Variants in CSMD2 observed in about 807,000 individuals in gnomAD.
CSMD2 encodes the protein CUB and sushi domain-containing protein 2.
CSMD2 carries 130 observed loss-of-function variants against 398.5 expected under a neutral mutation model. The ratio of observed to expected loss-of-function variants is 0.33; its 90% confidence interval spans 0.28 to 0.38. CSMD2 has a LOEUF of 0.38. CSMD2 is among the 10% of genes least tolerant of loss of function. The pLI is 1.00. For synonymous variants in CSMD2, 1,828 were observed against 1,908.5 expected (o/e 0.96, Z 1.10); for missense variants, 3,829 against 4,764.9 (o/e 0.80, Z 5.78).
intron 23 of CSMD2, among the ~76,000 whole-genome samples, chr1:33,699,348 T>G (rs1645530153): frequency 6.6e-6 from 1 of 152,228 alleles, no homozygotes; most frequent in African/African-American, 2.4e-5. Context: ...AAACATACGC[T>G]GTTGAAATGG....
At chr1:33,540,895 C>A (rs1476521675) in intron 59 of CSMD2, among the ~76,000 whole-genome samples, 197 bp from the exon 60 acceptor site, 8 of 152,178 alleles carry the variant, frequency 5.3e-5, no homozygotes, top group Admixed American at 3.3e-4. Flanking sequence ...TGTGACAACC[C>A]AGTCCTCTGT....
chr1:33,575,194 G>C (rs1373740068), intron 49 of CSMD2, among the ~76,000 whole-genome samples: 1 of 152,164 alleles, frequency 6.6e-6, no homozygotes, highest in Non-Finnish European at 1.5e-5. Context: ...ATCTCTGAGG[G>C]AGAGAGACAC....
At chr1:33,549,887 G>C (rs1250739335) in intron 56 of CSMD2, among the ~76,000 whole-genome samples, 2 of 152,174 alleles carry the variant, frequency 1.3e-5, no homozygotes, top group African/African-American at 4.8e-5. Flanking sequence ...CAAGTGTCTG[G>C]ACAGGACTCT....
chr1:34,131,155 C>A (rs1423690908), intron 1 of CSMD2, among the ~76,000 whole-genome samples: 1 of 152,158 alleles, frequency 6.6e-6, no homozygotes, highest in East Asian at 1.9e-4. Context: ...TAGGTCCCTG[C>A]AAGTGCATGC....
chr1:33,890,117 A>C (rs917369373), intron 5 of CSMD2, among the ~76,000 whole-genome samples: 1 of 152,064 alleles, frequency 6.6e-6, no homozygotes, highest in East Asian at 1.9e-4. Flanking sequence ...TCAATTTTCT[A>C]AATTTTCTTT....
chr1:33,998,418 T>A (rs959400316), intron 3 of CSMD2, among the ~76,000 whole-genome samples: 12 of 152,200 alleles, frequency 7.9e-5, no homozygotes, highest in Admixed American at 7.9e-4. Flanking sequence ...CAGACTAAGA[T>A]CTCCAGCTCA....
chr1:33,551,775 GACT>G (rs1483646531), intron 55 of CSMD2, among the ~76,000 whole-genome samples: 1 of 152,198 alleles, frequency 6.6e-6, no homozygotes, highest in African/African-American at 2.4e-5. Context: ...CTGGCCTTGT[GACT>G]TGCTTTGAAT....
Position 33,557,659 on chromosome 1 carries a change from CAT to C in CSMD2, c.8743+73_8743+74del, listed in dbSNP as rs1553139008. 3.2e-5 allele frequency: 39 copies of C among 1,220,398 alleles called. 1 individual carries two copies. Among genetic ancestry groups the C allele is most frequent in the African/African-American group, 1.1e-4 (7 of 62,620 alleles). 75.6% of individuals were successfully genotyped at this position (1,220,398 alleles called of 1,614,324 possible). A position where few individuals can be genotyped will look rare whatever the true frequency, so the allele number is the denominator to read the frequency against. On this transcript the variant is annotated intron_variant, in intron 55 of 70. Coordinates refer to ENST00000373381, the MANE Select transcript of CSMD2 (RefSeq NM_001281956.2). ...ACACACACACACACACACACACACA[CAT>C]GCACAGAGGGGAGGACTGTTCTTTG...
At chr1:33,650,046 C>T (rs1557675767) in intron 28 of CSMD2, among the ~76,000 whole-genome samples, 1 of 152,190 alleles carries the variant, frequency 6.6e-6, no homozygotes, top group Non-Finnish European at 1.5e-5. Context: ...GACATCTGCT[C>T]TTTTGAAAGT....
At chr1:33,924,967 A>G (rs1175359047) in intron 4 of CSMD2, among the ~76,000 whole-genome samples, 1 of 152,184 alleles carries the variant, frequency 6.6e-6, no homozygotes, top group South Asian at 2.1e-4. Flanking sequence ...TCAGATGAAT[A>G]GCTTGCAAAT....
At position 34,163,640 on chromosome 1, in the gene CSMD2, T is replaced by TCAAAA. The variant is rs1392691498; in HGVS notation, c.187+1266_187+1270dup. ...GCCTTCAGAGGTTCAATCGGTGGTT[T>TCAAAA]CAAAACAAAACAAAACAAAACAAAA... is the stretch of plus-strand genomic sequence containing the variant. On this transcript the variant is annotated intron_variant, in intron 1 of 70. Transcript: ENST00000373381. The surrounding 1 kb of genome is among the most constrained non-coding windows in gnomAD (Gnocchi z 5.4). 3.3e-4 allele frequency among the ~76,000 whole-genome samples: 50 copies of TCAAAA among 151,524 alleles called. No individual in the cohort carries two copies. The highest frequency in any genetic ancestry group is 5.1e-4 in the African/African-American group (21 of 41,334).
chr1:33,548,667 A>C (rs959031236), intron 56 of CSMD2, among the ~76,000 whole-genome samples: 1 of 152,212 alleles, frequency 6.6e-6, no homozygotes, highest in African/African-American at 2.4e-5. Context: ...TATATACCTA[A>C]TGTTACTTCC....
Position 33,997,773 on chromosome 1 carries a change from T to C in CSMD2, c.517+34821A>G, listed in dbSNP as rs1558223921. Among the ~76,000 whole-genome samples, 3 of 152,140 alleles carry C rather than the reference T, an allele frequency of 2.0e-5. 1 individual carries two copies. The South Asian group carries it at 6.2e-4, about 32-fold the overall frequency. On this transcript the variant is annotated intron_variant, in intron 3 of 70. Transcript: ENST00000373381. ...AAGGAGGCCATCTTCCCACCACAGT[T>C]AGCTAGGATGAAATGCGAGGATCTG...
At chr1:33,664,664 G>A (rs1195377101) in intron 25 of CSMD2, among the ~76,000 whole-genome samples, 2 of 152,010 alleles carry the variant, frequency 1.3e-5, no homozygotes, top group African/African-American at 2.4e-5. Context: ...TTAGCCGGGC[G>A]AGGTGGCGGG....
At chr1:33,805,199 A>T (rs1656082224) in intron 10 of CSMD2, among the ~76,000 whole-genome samples, 1 of 152,228 alleles carries the variant, frequency 6.6e-6, no homozygotes, top group Non-Finnish European at 1.5e-5. Flanking sequence ...CCTCACCTTC[A>T]GGTTCAAAAG....
chr1:33,719,772 T>C (rs1646295109), intron 19 of CSMD2, among the ~76,000 whole-genome samples: 1 of 152,176 alleles, frequency 6.6e-6, no homozygotes, highest in Non-Finnish European at 1.5e-5. Context: ...TAGGCAATAA[T>C]ATCTCTCTTA....
At chr1:33,664,734 T>A (rs1350275120) in intron 25 of CSMD2, among the ~76,000 whole-genome samples, 1 of 151,658 alleles carries the variant, frequency 6.6e-6, no homozygotes, top group East Asian at 1.9e-4. Context: ...ACCCGGGAGG[T>A]GGAGCTTGCA....
At chr1:33,746,412 G>C (rs1244474755) in intron 13 of CSMD2, among the ~76,000 whole-genome samples, 1 of 152,102 alleles carries the variant, frequency 6.6e-6, no homozygotes, top group Non-Finnish European at 1.5e-5. Flanking sequence ...GTGAGTATGT[G>C]AGCAAATAAA....
intron 25 of CSMD2, among the ~76,000 whole-genome samples, chr1:33,678,739 C>T (rs988822772): frequency 1.3e-5 from 2 of 152,152 alleles, no homozygotes; most frequent in Non-Finnish European, 2.9e-5. Context: ...TTAAGTATCA[C>T]GCTATCCAAA....
Sources: allele counts gnomAD v4.1 joint callset (sites outside exome capture counted in the v4.1 genomes callset), GRCh38; gene constraint gnomAD v4.1.1; non-coding constraint Gnocchi (gnomAD v3.1); transcripts MANE v1.5; gene names NCBI Gene and HGNC (gene_info 2026-07-23, HGNC 2026-07-21).